ST6GALNAC3: variants seen among roughly 807,000 people sequenced by gnomAD.
ST6GALNAC3 encodes alpha-N-acetylgalactosaminide alpha-2,6-sialyltransferase 3.
In ST6GALNAC3, 25 loss-of-function variants were observed where a neutral mutation model predicts 32.7. The observed-to-expected ratio is 0.76, with a 90% CI of 0.56 to 1.07. The LOEUF (loss-of-function observed/expected upper bound fraction) is 1.07, where lower values mean the gene tolerates loss of function less well. ST6GALNAC3 is among the 50% of genes least tolerant of loss of function. The pLI is 0.00. For missense variants in ST6GALNAC3, 355 were observed against 382.4 expected (o/e 0.93, Z 0.60); for synonymous variants, 129 against 133.1 (o/e 0.97, Z 0.21).
Position 76,074,778 on chromosome 1 carries a change from GCCGTGGTACCAGCCTC to G in ST6GALNAC3, c.-87_-72del. The G allele has an allele frequency of 6.9e-7, 1 of 1,452,116 alleles. No homozygotes were observed. The allele number at this position is 1,452,116 out of a possible 1,614,324, so 90.0% of individuals were successfully genotyped here. ...CGGGAATGTGGGCTGGAGAGGTCCT[GCCGTGGTACCAGCCTC>G]CAGCCTGCCCCCAGGACTGCCCCTG... On this transcript the variant is annotated 5_prime_UTR_variant, in exon 1 of 5. An upstream open reading frame in the 5' UTR loses its in-frame stop. Transcript: ENST00000328299.
At position 76,157,297 on chromosome 1, in the gene ST6GALNAC3, G is replaced by T. The variant is rs72994509; in HGVS notation, c.18+82413G>T. ...GTCTCCAGCTCTAAGCCATTATCAC[G>T]TGGATCATTCTAGCCTTCCCCCTTG... On this transcript the variant is annotated intron_variant, in intron 1 of 4. Transcript: ENST00000328299. Among the ~76,000 whole-genome samples, 19 of 152,276 alleles carry T rather than the reference G, an allele frequency of 1.2e-4. No homozygotes were observed. The East Asian group carries it at 2.1e-3, about 17-fold the overall frequency.
chr1:76,358,273 G>A (rs67776937), intron 2 of ST6GALNAC3, among the ~76,000 whole-genome samples: 29,302 of 151,968 alleles, frequency 0.19, 3,437 homozygotes, highest in East Asian at 0.6. Flanking sequence ...TTCAACCCAG[G>A]CAAGATGTCA....
chr1:76,215,141 G>A (rs370295708), intron 1 of ST6GALNAC3, among the ~76,000 whole-genome samples: 54 of 152,312 alleles, frequency 3.5e-4, no homozygotes, highest in African/African-American at 1.3e-3. Context: ...ATTTGTGGAT[G>A]ACCCAAGATG....
intron 2 of ST6GALNAC3, among the ~76,000 whole-genome samples, chr1:76,322,435 A>G (rs1476151609): frequency 6.6e-6 from 1 of 152,204 alleles, no homozygotes; most frequent in Non-Finnish European, 1.5e-5. Context: ...CCAAGTTAGG[A>G]GTATCCTGGA....
intron 3 of ST6GALNAC3, among the ~76,000 whole-genome samples, chr1:76,437,701 C>T (rs147735875): frequency 2.0e-5 from 3 of 151,592 alleles, no homozygotes; most frequent in South Asian, 2.1e-4. Context: ...CCTCAGCCTC[C>T]TGAGTAGCTG....
chr1:76,481,203 C>T (rs1357388206), intron 3 of ST6GALNAC3, among the ~76,000 whole-genome samples: 1 of 152,126 alleles, frequency 6.6e-6, no homozygotes, highest in Non-Finnish European at 1.5e-5. Flanking sequence ...CCACATTCAT[C>T]AAGAAAATAG....
chr1:76,267,197 A>G (rs1658582527), intron 1 of ST6GALNAC3, among the ~76,000 whole-genome samples: 1 of 152,100 alleles, frequency 6.6e-6, no homozygotes, highest in African/African-American at 2.4e-5. Context: ...GCAATTATGA[A>G]TCTCAATATA....
intron 3 of ST6GALNAC3, among the ~76,000 whole-genome samples, chr1:76,567,538 A>G (rs544972330): frequency 6.6e-6 from 1 of 152,360 alleles, no homozygotes; most frequent in Admixed American, 6.5e-5. Context: ...ACAATAAAAC[A>G]TTGAAAAGCT....
At chr1:76,331,313 C>T (rs975301022) in intron 2 of ST6GALNAC3, among the ~76,000 whole-genome samples, 21 of 152,130 alleles carry the variant, frequency 1.4e-4, no homozygotes, top group Non-Finnish European at 1.5e-4. Context: ...GAAGCTTATG[C>T]TGTCTTTAAT....
Position 76,168,621 on chromosome 1 carries a change from A to G in ST6GALNAC3, c.18+93737A>G, listed in dbSNP as rs116769738. 8.0e-3 allele frequency among the ~76,000 whole-genome samples: 1,215 copies of G among 152,278 alleles called. 14 individuals carry two copies. The highest frequency in any genetic ancestry group is 0.028 in the African/African-American group (1,167 of 41,552). On this transcript the variant is annotated intron_variant, in intron 1 of 4. Coordinates refer to ENST00000328299, the MANE Select transcript of ST6GALNAC3 (RefSeq NM_152996.4). ...AGTCTAAGTCTCTTTGAAAGTCTCT[A>G]ATAACTTGCTTTACGAATCTGAGTG...
chr1:76,571,742 G>T (rs1037810248), intron 3 of ST6GALNAC3, among the ~76,000 whole-genome samples: 1 of 151,848 alleles, frequency 6.6e-6, no homozygotes, highest in Non-Finnish European at 1.5e-5. Flanking sequence ...TATCATCCTG[G>T]TATGTACATG....
At chr1:76,516,038 T>A (rs560598036) in intron 3 of ST6GALNAC3, among the ~76,000 whole-genome samples, 2 of 152,204 alleles carry the variant, frequency 1.3e-5, no homozygotes, top group African/African-American at 4.8e-5. Context: ...TTGCTGTCTA[T>A]CTCTCCCTTT....
chr1:76,218,122 C>T (rs1655574702), intron 1 of ST6GALNAC3, among the ~76,000 whole-genome samples: 1 of 152,146 alleles, frequency 6.6e-6, no homozygotes. Context: ...TACTAGTTTA[C>T]ATTCCCACCA....
intron 1 of ST6GALNAC3, among the ~76,000 whole-genome samples, chr1:76,197,047 A>G (rs1268941217): frequency 6.6e-6 from 1 of 152,232 alleles, no homozygotes; most frequent in Admixed American, 6.5e-5. Context: ...TATTAAAGCC[A>G]GATGGCTGGG....
chr1:76,086,204 A>G (rs1404805925), intron 1 of ST6GALNAC3, among the ~76,000 whole-genome samples: 1 of 152,218 alleles, frequency 6.6e-6, no homozygotes, highest in Non-Finnish European at 1.5e-5. Flanking sequence ...GGTGCAGGAA[A>G]CAGCTTTCAC....
chr1:76,385,280 T>G (rs1374236165), intron 2 of ST6GALNAC3, among the ~76,000 whole-genome samples: 5 of 152,146 alleles, frequency 3.3e-5, no homozygotes, highest in Non-Finnish European at 7.4e-5. Context: ...CTTTTGAACT[T>G]TTAAACTCTA....
At chr1:76,545,195 C>G (rs187804815) in intron 3 of ST6GALNAC3, among the ~76,000 whole-genome samples, 1 of 152,178 alleles carries the variant, frequency 6.6e-6, no homozygotes, top group Non-Finnish European at 1.5e-5. Flanking sequence ...CAATTTAGGA[C>G]GGACTAAAAG....
At chr1:76,330,696 C>T (rs1441626067) in intron 2 of ST6GALNAC3, among the ~76,000 whole-genome samples, 2 of 152,116 alleles carry the variant, frequency 1.3e-5, no homozygotes, top group Admixed American at 6.6e-5. Context: ...ATTATTATTC[C>T]ACCATTTAGA....
At chr1:76,249,978 T>C (rs927798706) in intron 1 of ST6GALNAC3, among the ~76,000 whole-genome samples, 10 of 152,216 alleles carry the variant, frequency 6.6e-5, no homozygotes, top group African/African-American at 2.2e-4. Context: ...GTTGTAAGAG[T>C]GCTTTGTATA....
Sources: gnomAD v4.1 joint callset for allele counts (sites outside exome capture counted in the v4.1 genomes callset) on GRCh38, gnomAD v4.1.1 for gene constraint, MANE v1.5 for transcripts, NCBI Gene and HGNC (gene_info 2026-07-23, HGNC 2026-07-21) for gene names.